The following UPP2 variants were observed in gnomAD, a reference collection of about 807,000 sequenced individuals.
UPP2 encodes the protein uridine phosphorylase 2, also known as UPase 2.
Under a neutral mutation model 26.7 loss-of-function variants are expected in UPP2, and 23 were observed. That is an observed-to-expected ratio of 0.86 (90% CI 0.62 to 1.22). UPP2 has a LOEUF of 1.22. Among genes scored for constraint, UPP2 ranks in the 50% most tolerant of loss-of-function variants. UPP2 has a pLI of 0.00. For missense variants in UPP2, 387 were observed against 396.7 expected (o/e 0.98, Z 0.21); for synonymous variants, 127 against 141.3 (o/e 0.90, Z 0.72).
At chr2:158,026,876 C>G (rs1242154372) in intron 3 of UPP2, among the ~76,000 whole-genome samples, 1 of 152,152 alleles carries the variant, frequency 6.6e-6, no homozygotes, top group Non-Finnish European at 1.5e-5. Flanking sequence ...TACATAGTGA[C>G]AGCAAGAAGA....
At chr2:158,122,760 G>A (rs569652045) in intron 5 of UPP2, among the ~76,000 whole-genome samples, 1 of 152,288 alleles carries the variant, frequency 6.6e-6, no homozygotes, top group East Asian at 1.9e-4. Context: ...ACCCACATCT[G>A]GGGCTACATT....
At chr2:158,008,414 G>A (rs931642505) in intron 2 of UPP2, among the ~76,000 whole-genome samples, 8 of 152,208 alleles carry the variant, frequency 5.3e-5, no homozygotes, top group African/African-American at 1.9e-4. Context: ...GAATTAGAAA[G>A]AGTACCTAAA....
chr2:158,110,497 G>C (rs992987828), intron 2 of UPP2, among the ~76,000 whole-genome samples: 20 of 152,106 alleles, frequency 1.3e-4, no homozygotes, highest in Non-Finnish European at 1.6e-4. Context: ...ATAATCCTTT[G>C]AGTATATAGC....
intron 3 of UPP2, among the ~76,000 whole-genome samples, chr2:158,016,776 A>G (rs2105145199): frequency 6.6e-6 from 1 of 152,234 alleles, no homozygotes; most frequent in South Asian, 2.1e-4. Flanking sequence ...TCAATAATTA[A>G]GTGTTGAGAG....
intron 3 of UPP2, among the ~76,000 whole-genome samples, chr2:158,047,506 G>A (rs985671365): frequency 6.6e-6 from 1 of 152,178 alleles, no homozygotes; most frequent in Admixed American, 6.5e-5. Context: ...TTAAACCCGG[G>A]CATTGTTCTC....
intron 3 of UPP2, among the ~76,000 whole-genome samples, chr2:158,060,994 C>T (rs1682343823): frequency 6.6e-6 from 1 of 152,228 alleles, no homozygotes; most frequent in South Asian, 2.1e-4. Flanking sequence ...CATGTCCTTA[C>T]AACTATCCAA....
chr2:158,041,621 C>T (rs1167078630), intron 3 of UPP2, among the ~76,000 whole-genome samples: 2 of 152,210 alleles, frequency 1.3e-5, no homozygotes, highest in African/African-American at 4.8e-5. Flanking sequence ...TTAATGACCT[C>T]ATGGGAGTGA....
chr2:158,016,281 G>A (rs549347581), intron 3 of UPP2, among the ~76,000 whole-genome samples: 2 of 151,930 alleles, frequency 1.3e-5, no homozygotes, highest in South Asian at 2.1e-4. Context: ...CTCATAAAGG[G>A]CTCACCTTTC....
chr2:158,062,484 A>G (rs922850824), intron 3 of UPP2, among the ~76,000 whole-genome samples: 2 of 151,178 alleles, frequency 1.3e-5, no homozygotes, highest in African/African-American at 4.9e-5. Context: ...AGGGGTTTGC[A>G]TCTTTTCTCA....
At chr2:158,108,184 C>T (rs891734917) in intron 2 of UPP2, among the ~76,000 whole-genome samples, 5 of 152,184 alleles carry the variant, frequency 3.3e-5, no homozygotes, top group Admixed American at 2.6e-4. Context: ...GTCTCCTCTA[C>T]CATTTATGGT....
chr2:158,050,145 CAG>C (rs1212307107), intron 3 of UPP2, among the ~76,000 whole-genome samples: 2 of 152,180 alleles, frequency 1.3e-5, no homozygotes, highest in Non-Finnish European at 2.9e-5. Context: ...AGAAATTTAG[CAG>C]AGTGTTTGGC....
chr2:158,060,661 A>G (rs1682338094), intron 3 of UPP2, among the ~76,000 whole-genome samples: 1 of 152,166 alleles, frequency 6.6e-6, no homozygotes, highest in South Asian at 2.1e-4. Flanking sequence ...ACTTCCAATG[A>G]GATAGTATCT....
chr2:158,042,131 C>G (rs1318148719), intron 3 of UPP2, among the ~76,000 whole-genome samples: 1 of 152,194 alleles, frequency 6.6e-6, no homozygotes, highest in Non-Finnish European at 1.5e-5. Flanking sequence ...GAAGCAGGCA[C>G]AGGTGCGCCA....
chr2:158,113,544 G>A (rs1683362176), intron 2 of UPP2, among the ~76,000 whole-genome samples: 1 of 152,194 alleles, frequency 6.6e-6, no homozygotes. Context: ...ATTAAGGGTA[G>A]AAGAGAAGCA....
chr2:158,033,682 A>G (rs918876646), intron 3 of UPP2, among the ~76,000 whole-genome samples: 3 of 152,164 alleles, frequency 2.0e-5, no homozygotes, highest in Non-Finnish European at 4.4e-5. Context: ...GCTGTCCAAC[A>G]CGTTATAATT....
chr2:158,088,176 T>A (rs1377026591), intron 3 of UPP2, among the ~76,000 whole-genome samples: 1 of 152,210 alleles, frequency 6.6e-6, no homozygotes, highest in Admixed American at 6.5e-5. Context: ...CATTATTCAT[T>A]TTTTAAAATT....
intron 6 of UPP2, among the ~76,000 whole-genome samples, chr2:158,130,563 A>G (rs1273000653): frequency 6.6e-6 from 1 of 152,202 alleles, no homozygotes; most frequent in Non-Finnish European, 1.5e-5. Context: ...CTTAAATGAA[A>G]TTATCAGCTA....
chr2:158,121,824 T>C (rs1256351417), intron 5 of UPP2, among the ~76,000 whole-genome samples: 1 of 152,004 alleles, frequency 6.6e-6, no homozygotes, highest in Non-Finnish European at 1.5e-5. Context: ...TGAGGGTGGA[T>C]TTAATCCTCC....
At chr2:158,014,506 A>C (rs1439514745) in intron 2 of UPP2, among the ~76,000 whole-genome samples, 1 of 152,222 alleles carries the variant, frequency 6.6e-6, no homozygotes, top group Non-Finnish European at 1.5e-5. Flanking sequence ...CTTATTAAAA[A>C]GTACAGTTAA....
Sources: gnomAD v4.1 joint callset for allele counts (sites outside exome capture counted in the v4.1 genomes callset) on GRCh38, gnomAD v4.1.1 for gene constraint, MANE v1.5 for transcripts, NCBI Gene and HGNC (gene_info 2026-07-23, HGNC 2026-07-21) for gene names.